The following KCNJ3 variants were observed in gnomAD, a reference collection of about 807,000 sequenced individuals.
The protein encoded by KCNJ3 is potassium inwardly rectifying channel subfamily J member 3.
A neutral mutation model predicts 39.2 loss-of-function variants in KCNJ3; 4 were observed. That is an observed-to-expected ratio of 0.10 (90% CI 0.05 to 0.23). The LOEUF (loss-of-function observed/expected upper bound fraction) is 0.23, where lower values mean the gene tolerates loss of function less well. KCNJ3 is among the 10% of genes least tolerant of loss of function. The probability of loss-of-function intolerance (pLI) is 1.00; values close to 1 mark genes in which losing one functional copy is unlikely to be tolerated. For missense variants in KCNJ3, 276 were observed against 634.9 expected, an observed-to-expected ratio of 0.43 and a Z score of 6.08; for synonymous variants, 230 against 237.4, an observed-to-expected ratio of 0.97 and a Z score of 0.29.
At chr2:154,725,342 T>A (rs2105162852) in intron 2 of KCNJ3, among the ~76,000 whole-genome samples, 1 of 151,800 alleles carries the variant, frequency 6.6e-6, no homozygotes, top group East Asian at 1.9e-4. Flanking sequence ...TGGGAAGATA[T>A]CTTTTCTCTG....
chr2:154,855,190 T>G lies in KCNJ3; in HGVS notation c.1383T>G (p.Asp461Glu). The change falls in exon 3 of 3, where the codon GAT becomes GAG. Residue 461 changes from aspartate (D) to glutamate (E), a missense_variant. Transcript: ENST00000295101. ...CTAAAACCACCAAGATGTTATCTGA[T>G]CCCATGAGCCAGTCTGTGGCTGATT... ...LVSKTTKMLS[D>E]PMSQSVADLP... 6.2e-7 allele frequency: 1 copy of G among 1,613,748 alleles called. No homozygotes were observed. The highest frequency in any genetic ancestry group is 1.1e-5 in the South Asian group (1 of 91,062).
intron 2 of KCNJ3, among the ~76,000 whole-genome samples, chr2:154,798,525 A>G (rs1686759073): frequency 6.6e-6 from 1 of 152,162 alleles, no homozygotes; most frequent in Non-Finnish European, 1.5e-5. Flanking sequence ...CGTTATCAAA[A>G]CATACAAAAG....
intron 2 of KCNJ3, among the ~76,000 whole-genome samples, chr2:154,816,537 C>T (rs1223681512): frequency 6.6e-6 from 1 of 152,124 alleles, no homozygotes; most frequent in Non-Finnish European, 1.5e-5. Context: ...ACTTTAAAGG[C>T]TTGTGAACTG....
At chr2:154,763,434 C>A in intron 2 of KCNJ3, among the ~76,000 whole-genome samples, 1 of 136,786 alleles carries the variant, frequency 7.3e-6, no homozygotes, top group South Asian at 2.5e-4. Flanking sequence ...TTTTTTTTTT[C>A]CTGCATTACT....
intron 2 of KCNJ3, among the ~76,000 whole-genome samples, chr2:154,784,533 C>CA (rs1177078944): frequency 6.6e-6 from 1 of 152,152 alleles, no homozygotes; most frequent in Non-Finnish European, 1.5e-5. Context: ...CAGGCACACA[C>CA]CACCATACCC....
At chr2:154,848,499 G>A (rs536729018) in intron 2 of KCNJ3, among the ~76,000 whole-genome samples, 22 of 151,940 alleles carry the variant, frequency 1.4e-4, no homozygotes, top group African/African-American at 3.6e-4. Flanking sequence ...TCTTTTTCCC[G>A]TCCAGTAGGA....
At chr2:154,780,080 A>G (rs1313281504) in intron 2 of KCNJ3, among the ~76,000 whole-genome samples, 1 of 152,180 alleles carries the variant, frequency 6.6e-6, no homozygotes, top group African/African-American at 2.4e-5. Context: ...GAAATGTACT[A>G]CCTTGGAAAG....
At chr2:154,814,397 G>C (rs1001302602) in intron 2 of KCNJ3, among the ~76,000 whole-genome samples, 7 of 152,068 alleles carry the variant, frequency 4.6e-5, no homozygotes, top group African/African-American at 1.7e-4. Context: ...TAACACTTTG[G>C]GAGGCTGAGG....
intron 2 of KCNJ3, among the ~76,000 whole-genome samples, chr2:154,798,989 T>C (rs992836006): frequency 2.0e-5 from 3 of 151,698 alleles, no homozygotes; most frequent in Non-Finnish European, 2.9e-5. Flanking sequence ...GTGTGGTGTG[T>C]CAGGTGTGTG....
intron 2 of KCNJ3, among the ~76,000 whole-genome samples, chr2:154,820,007 T>C (rs1428500428): frequency 6.6e-6 from 1 of 152,146 alleles, no homozygotes; most frequent in Non-Finnish European, 1.5e-5. Flanking sequence ...TATGGAAACA[T>C]TGCAAAATAG....
intron 2 of KCNJ3, among the ~76,000 whole-genome samples, chr2:154,767,166 A>G (rs1183504964): frequency 6.6e-6 from 1 of 151,750 alleles, no homozygotes; most frequent in Non-Finnish European, 1.5e-5. Context: ...AATTGTGCTA[A>G]CTGCTAGTAC....
At chr2:154,792,155 G>A (rs1235758414) in intron 2 of KCNJ3, among the ~76,000 whole-genome samples, 1 of 152,146 alleles carries the variant, frequency 6.6e-6, no homozygotes, top group East Asian at 1.9e-4. Flanking sequence ...CTTCACCTGT[G>A]CCTTTTCTCA....
At chr2:154,827,068 G>T (rs1306841927) in intron 2 of KCNJ3, among the ~76,000 whole-genome samples, 2 of 152,066 alleles carry the variant, frequency 1.3e-5, no homozygotes, top group East Asian at 3.9e-4. Flanking sequence ...TTTCTGATTG[G>T]TATATCCTGT....
intron 2 of KCNJ3, among the ~76,000 whole-genome samples, chr2:154,719,441 A>C (rs759638015): frequency 1.3e-5 from 2 of 152,176 alleles, no homozygotes; most frequent in Non-Finnish European, 2.9e-5. Flanking sequence ...GGTAGAAAAC[A>C]GTGAAAATCA....
intron 2 of KCNJ3, among the ~76,000 whole-genome samples, chr2:154,720,801 A>G (rs180823098): frequency 3.5e-4 from 53 of 152,204 alleles, no homozygotes; most frequent in African/African-American, 1.2e-3. Context: ...TTTCAGCACT[A>G]TTTTAGTACT....
At chr2:154,763,451 G>C (rs1436254788) in intron 2 of KCNJ3, among the ~76,000 whole-genome samples, 1 of 150,610 alleles carries the variant, frequency 6.6e-6, no homozygotes, top group African/African-American at 2.4e-5. Context: ...TACTTTTGAT[G>C]GCCTGGAGGA....
At chr2:154,796,280 TG>T (rs1686719643) in intron 2 of KCNJ3, among the ~76,000 whole-genome samples, 1 of 152,134 alleles carries the variant, frequency 6.6e-6, no homozygotes, top group East Asian at 1.9e-4. Context: ...AATGCCAAGC[TG>T]GGTAGACATT....
chr2:154,795,842 C>G (rs983095017), intron 2 of KCNJ3, among the ~76,000 whole-genome samples: 2 of 152,030 alleles, frequency 1.3e-5, no homozygotes, highest in African/African-American at 4.8e-5. Flanking sequence ...AGCATCATCA[C>G]AGCGTAAGGA....
chr2:154,789,760 T>A (rs1422073543), intron 2 of KCNJ3, among the ~76,000 whole-genome samples: 1 of 152,110 alleles, frequency 6.6e-6, no homozygotes, highest in East Asian at 1.9e-4. Flanking sequence ...AAATGTGTGA[T>A]TTTGTTATTG....
Sources: allele counts gnomAD v4.1 joint callset (sites outside exome capture counted in the v4.1 genomes callset), GRCh38; gene constraint gnomAD v4.1.1; transcripts MANE v1.5; gene names NCBI Gene and HGNC (gene_info 2026-07-23, HGNC 2026-07-21).